SLC30A9: variants seen among roughly 807,000 people sequenced by gnomAD.
SLC30A9 encodes the protein solute carrier family 30 member 9, also known as proton-coupled zinc antiporter SLC30A9, mitochondrial.
A neutral mutation model predicts 87.5 loss-of-function variants in SLC30A9; 58 were observed. That is an observed-to-expected ratio of 0.66 (90% CI 0.54 to 0.82). SLC30A9 has a LOEUF of 0.82. Among genes scored for constraint, SLC30A9 ranks in the 40% least tolerant of loss-of-function variants. The pLI, the probability that SLC30A9 is intolerant of heterozygous loss-of-function variation, is 0.00. For missense variants in SLC30A9, 557 were observed against 679.1 expected (o/e 0.82, Z 2.00); for synonymous variants, 234 against 233.0 (o/e 1.00, Z -0.04).
At chr4:42,013,905 G>A (rs925292678) in intron 2 of SLC30A9, among the ~76,000 whole-genome samples, 7 of 152,166 alleles carry the variant, frequency 4.6e-5, no homozygotes, top group Admixed American at 4.6e-4. Flanking sequence ...ATCACATTAA[G>A]TTAAAAGGCT....
chr4:42,020,568 C>G, intron 4 of SLC30A9, 53 bp downstream of exon 4: 1 of 1,012,908 alleles, frequency 9.9e-7, no homozygotes, highest in East Asian at 2.5e-5. Flanking sequence ...ATCTAAATAA[C>G]TATTCCTTTC....
intron 1 of SLC30A9, among the ~76,000 whole-genome samples, chr4:41,997,070 AAAAG>A (rs1201980418): frequency 6.6e-6 from 1 of 151,546 alleles, no homozygotes; most frequent in African/African-American, 2.4e-5. Context: ...ATAAAAATGA[AAAAG>A]AAAAATAGAA....
chr4:42,062,010 C>G (rs1034726874), intron 10 of SLC30A9, among the ~76,000 whole-genome samples: 53 of 151,976 alleles, frequency 3.5e-4, no homozygotes, highest in African/African-American at 1.0e-3. Flanking sequence ...GCCTGACCAA[C>G]GTGGAGAAGC....
intron 17 of SLC30A9, 21 bp from the exon 18 acceptor site, chr4:42,086,060 TG>T: frequency 1.7e-6 from 2 of 1,207,498 alleles, no homozygotes; most frequent in Non-Finnish European, 2.3e-6. Flanking sequence ...ACAAATAATG[TG>T]GTGGTGATTT....
chr4:42,075,888 C>T, intron 16 of SLC30A9, 102 bp downstream of exon 16: 1 of 1,114,296 alleles, frequency 9.0e-7, no homozygotes, highest in Non-Finnish European at 1.3e-6. Context: ...GGCACTTTAG[C>T]TCTCAACTTC....
At chr4:42,047,778 G>A (rs12650855) in intron 8 of SLC30A9, among the ~76,000 whole-genome samples, 99,343 of 152,118 alleles carry the variant, frequency 0.65, 36,932 homozygotes, top group East Asian at 0.96. Flanking sequence ...ACACATGCAC[G>A]TGTATGTTTT....
At chr4:42,021,798 G>C (rs1438808006) in intron 4 of SLC30A9, among the ~76,000 whole-genome samples, 1 of 151,612 alleles carries the variant, frequency 6.6e-6, no homozygotes, top group East Asian at 1.9e-4. Context: ...TGCCCAGGCT[G>C]GAGTGCAGTG....
At chr4:41,997,193 C>T (rs910376594) in intron 1 of SLC30A9, among the ~76,000 whole-genome samples, 1 of 151,436 alleles carries the variant, frequency 6.6e-6, no homozygotes, top group African/African-American at 2.4e-5. Flanking sequence ...TTTTACTCTG[C>T]TCTGGCGAAA....
chr4:42,060,397 C>T lies in SLC30A9; in HGVS notation c.896+151C>T, dbSNP rs968552713. ...TGTAGTATCTAAAATGCAGAACTTC[C>T]CACTGTGTCAAAGTAAATTCAAGGT... On this transcript the variant is annotated intron_variant, in intron 10 of 17. Transcript: ENST00000264451. 1.7e-4 allele frequency: 108 copies of T among 640,892 alleles called. 1 individual carries two copies. The highest frequency in any genetic ancestry group is 8.5e-4 in the Middle Eastern group (2 of 2,340). 39.7% of individuals were successfully genotyped at this position (640,892 alleles called of 1,614,324 possible).
At chr4:42,072,551 T>G (rs1718353050) in intron 15 of SLC30A9, among the ~76,000 whole-genome samples, 1 of 152,116 alleles carries the variant, frequency 6.6e-6, no homozygotes. Flanking sequence ...TATTTGTGAG[T>G]TGCACAGATT....
chr4:42,033,516 C>A (rs565983886), intron 6 of SLC30A9, among the ~76,000 whole-genome samples: 4 of 151,998 alleles, frequency 2.6e-5, no homozygotes, highest in African/African-American at 7.2e-5. Flanking sequence ...TTTAAAAAAA[C>A]GTACACATTT....
intron 1 of SLC30A9, among the ~76,000 whole-genome samples, chr4:41,999,895 C>G (rs1455137391): frequency 1.3e-5 from 2 of 151,538 alleles, no homozygotes. Flanking sequence ...AAGTTTTTGT[C>G]TCTTATAAAT....
At chr4:42,055,602 A>G (rs1208050307) in intron 9 of SLC30A9, among the ~76,000 whole-genome samples, 2 of 152,126 alleles carry the variant, frequency 1.3e-5, no homozygotes, top group Non-Finnish European at 2.9e-5. Flanking sequence ...TAGCCTTACA[A>G]TTTCTGTTAC....
In SLC30A9 at chr4:42,086,599, T is replaced by TTTTG. The variant is rs1296371138; in HGVS notation, c.*474_*475insTTGT. The TTTTG allele has an allele frequency of 6.5e-6, 1 of 152,822 alleles. No individual in the cohort carries two copies. The highest frequency in any genetic ancestry group is 1.5e-5 in the Non-Finnish European group (1 of 68,144). The allele number at this position is 152,822 out of a possible 1,614,324, so 9.5% of individuals were successfully genotyped here. On this transcript the variant is annotated 3_prime_UTR_variant, in exon 18 of 18. Coordinates refer to ENST00000264451, the MANE Select transcript of SLC30A9 (RefSeq NM_006345.4). ...TGTGGTTTTTAAACAGTCACTCCGTTTCAAAGTCTGTCTTTCCTTATAGAA... is the reference window on the plus strand; with the variant it reads ...TGTGGTTTTTAAACAGTCACTCCGTTTTTGTCAAAGTCTGTCTTTCCTTATAGAA...
intron 9 of SLC30A9, among the ~76,000 whole-genome samples, chr4:42,049,877 A>T (rs1404964219): frequency 6.6e-6 from 1 of 152,136 alleles, no homozygotes; most frequent in Non-Finnish European, 1.5e-5. Flanking sequence ...ATGGAGAAAA[A>T]TTTTTGTATT....
intron 1 of SLC30A9, among the ~76,000 whole-genome samples, chr4:42,001,274 C>G (rs1294053033): frequency 6.6e-6 from 1 of 152,008 alleles, no homozygotes; most frequent in Non-Finnish European, 1.5e-5. Flanking sequence ...GGAAGTCTTC[C>G]TGACCTTCCC....
intron 17 of SLC30A9, 29 bp downstream of exon 17, chr4:42,078,354 T>C (rs375343245): frequency 4.3e-6 from 5 of 1,156,508 alleles, no homozygotes; most frequent in East Asian, 4.7e-5. Context: ...AATAACATAA[T>C]GATAATGGCA....
At chr4:42,072,291 AT>A (rs969446893) in intron 15 of SLC30A9, among the ~76,000 whole-genome samples, 1 of 151,310 alleles carries the variant, frequency 6.6e-6, no homozygotes, top group African/African-American at 2.4e-5. Context: ...AATCTTTATT[AT>A]TTTTTTCCTT....
Position 42,021,937 on chromosome 4 carries a change from T to A in SLC30A9, c.435-901T>A, listed in dbSNP as rs1230247499. ...GGCTAATTTTTTTTTTTTTTTTTTT[T>A]TTTTTTTTTGAGACGGAGTCTCGCT... On this transcript the variant is annotated intron_variant, in intron 4 of 17. Coordinates refer to ENST00000264451, the MANE Select transcript of SLC30A9 (RefSeq NM_006345.4). Among the ~76,000 whole-genome samples, 515 of 25,180 alleles carry A rather than the reference T, an allele frequency of 0.02. 23 individuals are homozygous for A. The East Asian group carries it at 0.23, about 11-fold the overall frequency. 16.5% of individuals were successfully genotyped at this position (25,180 alleles called of 152,430 possible). A position where few individuals can be genotyped will look rare whatever the true frequency, so the allele number is the denominator to read the frequency against.
Sources: gnomAD v4.1 joint callset for allele counts (sites outside exome capture counted in the v4.1 genomes callset) on GRCh38, gnomAD v4.1.1 for gene constraint, MANE v1.5 for transcripts, NCBI Gene and HGNC (gene_info 2026-07-23, HGNC 2026-07-21) for gene names.